The following PCDH19 variants were observed in gnomAD, a reference collection of about 807,000 sequenced individuals.
PCDH19 encodes the protein protocadherin-19.
PCDH19 carries 6 observed loss-of-function variants against 46.2 expected under a neutral mutation model. The observed-to-expected ratio is 0.13, with a 90% CI of 0.07 to 0.26. The LOEUF (loss-of-function observed/expected upper bound fraction) is 0.26. Among genes scored for constraint, PCDH19 ranks in the 10% least tolerant of loss-of-function variants. The probability of loss-of-function intolerance (pLI) is 1.00; values close to 1 mark genes in which losing one functional copy is unlikely to be tolerated. For missense variants in PCDH19, 740 were observed against 972.3 expected (o/e 0.76, Z 3.18); for synonymous variants, 481 against 415.7 (o/e 1.16, Z -1.91).
intron 3 of PCDH19, among the ~76,000 whole-genome samples, chrX:100,379,731 A>G (rs977133190): frequency 2.7e-5 from 3 of 112,466 alleles, no homozygotes; most frequent in African/African-American, 9.7e-5. Context: ...AAAGAGGAAG[A>G]GGCCCTTGAC....
At chrX:100,311,026 A>C (rs1374636357) in intron 5 of PCDH19, among the ~76,000 whole-genome samples, 1 of 107,813 alleles carries the variant, frequency 9.3e-6, no homozygotes, top group Non-Finnish European at 1.9e-5. Context: ...AAAAAAAAAA[A>C]TTAGAGGCAG....
chrX:100,394,192 G>A (rs927615957), intron 3 of PCDH19, among the ~76,000 whole-genome samples: 4 of 111,538 alleles, frequency 3.6e-5, no homozygotes, highest in Middle Eastern at 4.7e-3. Flanking sequence ...AAGAAGCCGC[G>A]GTGCTAGTCC....
In PCDH19 at chrX:100,407,668, G is replaced by A. The variant is rs376496717; in HGVS notation, c.930C>T (p.His310=). The change falls in exon 1 of 6, where the codon CAC becomes CAT. Residue 310 remains histidine (H), a synonymous_variant. Coordinates refer to ENST00000373034, the MANE Select transcript of PCDH19 (RefSeq NM_001184880.2). ...VTGALDYEEG[H]VYELDVQAKD... ...TAGCCTGCACGTCCAGTTCGTACAC[G>A]TGCCCCTCTTCGTAGTCTAAAGCGC... The A allele has an allele frequency of 2.4e-5, 29 of 1,211,043 alleles. No homozygotes were observed. The highest frequency in any genetic ancestry group is 2.8e-5 in the Non-Finnish European group (25 of 895,425).
intron 5 of PCDH19, among the ~76,000 whole-genome samples, chrX:100,297,944 C>T (rs775657689): frequency 1.2e-4 from 13 of 110,156 alleles, no homozygotes; most frequent in Non-Finnish European, 1.9e-4. Flanking sequence ...GAAAACATTG[C>T]GCAATGCATC....
intron 3 of PCDH19, among the ~76,000 whole-genome samples, chrX:100,394,703 G>A (rs927885420): frequency 6.3e-5 from 7 of 111,384 alleles, no homozygotes; most frequent in Admixed American, 1.9e-4. Flanking sequence ...TCAATGACAC[G>A]TACCCATCTT....
chrX:100,395,120 C>T (rs2152223), intron 3 of PCDH19, among the ~76,000 whole-genome samples: 5,627 of 110,828 alleles, frequency 0.051, 347 homozygotes, highest in African/African-American at 0.18. Flanking sequence ...ATCTCCTGAC[C>T]TCGTGATCCG....
chrX:100,363,075 G>A (rs1360365191), intron 3 of PCDH19, among the ~76,000 whole-genome samples: 3 of 111,146 alleles, frequency 2.7e-5, no homozygotes, highest in African/African-American at 9.8e-5. Flanking sequence ...GGAGGCCAAG[G>A]TGGACGGATC....
intron 4 of PCDH19, among the ~76,000 whole-genome samples, chrX:100,347,226 GT>G (rs1302303807): frequency 9.0e-6 from 1 of 111,360 alleles, no homozygotes; most frequent in Non-Finnish European, 1.9e-5. Context: ...TTTCTGTTGG[GT>G]TTAGCCAAAG....
intron 3 of PCDH19, among the ~76,000 whole-genome samples, chrX:100,378,673 T>C (rs1363462294): frequency 8.9e-6 from 1 of 112,445 alleles, no homozygotes; most frequent in Non-Finnish European, 1.9e-5. Flanking sequence ...TGGAACCGTC[T>C]GAACAAACTA....
intron 3 of PCDH19, among the ~76,000 whole-genome samples, chrX:100,378,630 A>G (rs774562507): frequency 8.9e-6 from 1 of 112,559 alleles, no homozygotes; most frequent in South Asian, 3.7e-4. Context: ...TAGCCAGTAT[A>G]ACCACCACAA....
chrX:100,357,070 T>TA (rs900123378), intron 3 of PCDH19, among the ~76,000 whole-genome samples: 17 of 109,910 alleles, frequency 1.5e-4, no homozygotes, highest in South Asian at 1.2e-3. Flanking sequence ...CCCTGGGAAT[T>TA]AAAAAAAAAT....
intron 3 of PCDH19, among the ~76,000 whole-genome samples, chrX:100,374,715 G>C: frequency 9.0e-6 from 1 of 111,467 alleles, no homozygotes; most frequent in Non-Finnish European, 1.9e-5. Flanking sequence ...CGAGGCTGGC[G>C]GATCACAAGG....
At position 100,310,664 on chromosome X, in the gene PCDH19, C is replaced by T. The variant is rs931783287; in HGVS notation, c.2849-13789G>A. ...CGTTTTTGAAAGTTTCATATAAAGA[C>T]GCCCACAGAATTAAGTCCCTCAAAC... is the stretch of plus-strand genomic sequence containing the variant. On this transcript the variant is annotated intron_variant, in intron 5 of 5. Transcript: ENST00000373034. Among the ~76,000 whole-genome samples, 7 of 109,843 alleles carry T rather than the reference C, an allele frequency of 6.4e-5. No homozygotes were observed. The East Asian group carries it at 8.6e-4, about 14-fold the overall frequency.
In PCDH19 at chrX:100,294,888, C is replaced by G. The variant is rs1238357715; in HGVS notation, c.*1389G>C. The G allele has an allele frequency of 8.9e-6, 1 of 112,462 alleles. No homozygotes were observed. Among genetic ancestry groups the G allele is most frequent in the Non-Finnish European group, 1.9e-5 (1 of 53,229 alleles). The allele number at this position is 112,462 out of a possible 1,213,427, so 9.3% of individuals were successfully genotyped here. A position where few individuals can be genotyped will look rare whatever the true frequency, so the allele number is the denominator to read the frequency against. ...TTAAAAAGGGTGTATTCCTAGCCTA[C>G]AGCAAAAAGAGTTGGCTAAATCGAA... is the stretch of plus-strand genomic sequence containing the variant. On this transcript the variant is annotated 3_prime_UTR_variant, in exon 6 of 6. Coordinates refer to ENST00000373034, the MANE Select transcript of PCDH19 (RefSeq NM_001184880.2).
intron 5 of PCDH19, among the ~76,000 whole-genome samples, chrX:100,314,836 A>G (rs759807535): frequency 4.5e-5 from 5 of 112,213 alleles, no homozygotes; most frequent in Non-Finnish European, 9.4e-5. Flanking sequence ...CTTATAAATA[A>G]TAAGTGCTTT....
chrX:100,363,410 G>T (rs1926959005), intron 3 of PCDH19, among the ~76,000 whole-genome samples: 1 of 107,554 alleles, frequency 9.3e-6, no homozygotes, highest in Admixed American at 1.0e-4. Flanking sequence ...TGAATCACCA[G>T]ACAAATGGCA....
rs374077542 is a variant in PCDH19 at position 100,386,252 on chromosome X, C to CA, written c.2616+16271dup. On this transcript the variant is annotated intron_variant, in intron 3 of 5. Coordinates refer to ENST00000373034, the MANE Select transcript of PCDH19 (RefSeq NM_001184880.2). ...TGGAGGGTGGGAGCTAAGGGTACCT[C>CA]AAGGCCTTTTGGTCTGTCTGGGGCC... 6.7e-3 allele frequency among the ~76,000 whole-genome samples: 743 copies of CA among 111,105 alleles called. 6 individuals carry two copies. Among genetic ancestry groups the CA allele is most frequent in the African/African-American group, 0.023 (711 of 30,557 alleles).
chrX:100,349,293 C>G (rs1474847032), intron 4 of PCDH19, among the ~76,000 whole-genome samples: 2 of 111,892 alleles, frequency 1.8e-5, no homozygotes, highest in East Asian at 5.6e-4. Flanking sequence ...ACAAATTCGT[C>G]AGATAATTTT....
At chrX:100,308,391 T>G (rs780537361) in intron 5 of PCDH19, among the ~76,000 whole-genome samples, 2 of 111,480 alleles carry the variant, frequency 1.8e-5, no homozygotes, top group South Asian at 7.5e-4. Context: ...CAACTCAAGG[T>G]GCATCAAGGA....
Sources: allele counts gnomAD v4.1 joint callset (sites outside exome capture counted in the v4.1 genomes callset), GRCh38; gene constraint gnomAD v4.1.1; transcripts MANE v1.5; gene names NCBI Gene and HGNC (gene_info 2026-07-23, HGNC 2026-07-21).